The following KCNIP4 variants were observed in gnomAD, a reference collection of about 807,000 sequenced individuals.
KCNIP4 encodes potassium voltage-gated channel interacting protein 4, also known as Kv channel-interacting protein 4.
In KCNIP4, 12 loss-of-function variants were observed where a neutral mutation model predicts 34.0. The ratio of observed to expected loss-of-function variants is 0.35; its 90% CI spans 0.23 to 0.57. KCNIP4 has a LOEUF of 0.57. Among genes scored for constraint, KCNIP4 ranks in the 20% least tolerant of loss-of-function variants. The pLI is 0.83. For missense variants in KCNIP4, 238 were observed against 311.7 expected (o/e 0.76, Z 1.78); for synonymous variants, 124 against 102.2 (o/e 1.21, Z -1.29).
intron 1 of KCNIP4, among the ~76,000 whole-genome samples, chr4:21,647,015 T>C (rs763328028): frequency 2.0e-5 from 3 of 152,168 alleles, no homozygotes; most frequent in Admixed American, 1.3e-4. Flanking sequence ...AGTTTTTCAG[T>C]CTTTTGTAAT....
chr4:20,849,147 T>C (rs970134677), intron 3 of KCNIP4, among the ~76,000 whole-genome samples: 1 of 152,164 alleles, frequency 6.6e-6, no homozygotes, highest in Non-Finnish European at 1.5e-5. Context: ...ATATTACCTA[T>C]CAGATTCCTT....
chr4:21,204,262 G>A (rs1378933621), intron 1 of KCNIP4, among the ~76,000 whole-genome samples: 2 of 151,998 alleles, frequency 1.3e-5, no homozygotes, highest in African/African-American at 2.4e-5. Flanking sequence ...GATGACCTGG[G>A]TTCACTCCTA....
At chr4:21,228,417 G>T (rs1443865766) in intron 1 of KCNIP4, among the ~76,000 whole-genome samples, 2 of 152,134 alleles carry the variant, frequency 1.3e-5, no homozygotes, top group African/African-American at 4.8e-5. Flanking sequence ...AGAACTGTGA[G>T]TCAATGAAAC....
chr4:20,781,846 A>T (rs1351325975), intron 3 of KCNIP4, among the ~76,000 whole-genome samples: 2 of 152,168 alleles, frequency 1.3e-5, no homozygotes, highest in African/African-American at 4.8e-5. Flanking sequence ...CAAAGTTTTA[A>T]TTCATTTCAG....
chr4:21,098,571 C>T (rs1316707599), intron 1 of KCNIP4, among the ~76,000 whole-genome samples: 1 of 152,116 alleles, frequency 6.6e-6, no homozygotes, highest in Non-Finnish European at 1.5e-5. Flanking sequence ...AATAACAGTA[C>T]ATCTGTTTAC....
intron 1 of KCNIP4, among the ~76,000 whole-genome samples, chr4:21,939,799 T>C (rs1295950170): frequency 1.3e-5 from 2 of 152,216 alleles, no homozygotes; most frequent in African/African-American, 4.8e-5. Flanking sequence ...TTTAAAATTC[T>C]TGGAAAGGAT....
intron 1 of KCNIP4, among the ~76,000 whole-genome samples, chr4:21,873,826 G>C (rs535283821): frequency 3.3e-4 from 51 of 152,324 alleles, no homozygotes; most frequent in African/African-American, 1.2e-3. Context: ...CTGGGTGAAA[G>C]ATTCAGCAGG....
intron 1 of KCNIP4, among the ~76,000 whole-genome samples, chr4:20,886,875 T>TTTTTTTC (rs1725371157): frequency 6.6e-6 from 1 of 152,124 alleles, no homozygotes; most frequent in South Asian, 2.1e-4. Context: ...CAATGTATCC[T>TTTTTTTC]AATAACATCT....
chr4:20,951,974 T>C (rs953667509), intron 1 of KCNIP4, among the ~76,000 whole-genome samples: 1 of 152,206 alleles, frequency 6.6e-6, no homozygotes, highest in Non-Finnish European at 1.5e-5. Context: ...AATATACGCT[T>C]TGCTTACTGC....
intron 1 of KCNIP4, among the ~76,000 whole-genome samples, chr4:21,392,426 A>C (rs1275898818): frequency 1.3e-5 from 2 of 152,186 alleles, no homozygotes; most frequent in Non-Finnish European, 2.9e-5. Flanking sequence ...TTTAAATTGC[A>C]ATGAGTCAAT....
intron 1 of KCNIP4, among the ~76,000 whole-genome samples, chr4:21,638,446 A>C (rs934108262): frequency 2.6e-5 from 4 of 152,202 alleles, no homozygotes; most frequent in Non-Finnish European, 5.9e-5. Context: ...ATAAAACTGT[A>C]TAACCATGAA....
chr4:21,428,767 G>A (rs1726149404), intron 1 of KCNIP4, among the ~76,000 whole-genome samples: 1 of 152,142 alleles, frequency 6.6e-6, no homozygotes, highest in African/African-American at 2.4e-5. Flanking sequence ...GTACAATAAG[G>A]AGGACAGACT....
intron 1 of KCNIP4, among the ~76,000 whole-genome samples, chr4:21,422,794 G>A (rs1298728918): frequency 1.3e-5 from 2 of 151,932 alleles, no homozygotes; most frequent in African/African-American, 4.8e-5. Context: ...AGTGCCACAC[G>A]GACAGAAGTT....
chr4:21,631,970 C>A (rs182518711), intron 1 of KCNIP4, among the ~76,000 whole-genome samples: 1 of 152,220 alleles, frequency 6.6e-6, no homozygotes, highest in Non-Finnish European at 1.5e-5. Flanking sequence ...AACTTCCCAT[C>A]CATTAAGAAT....
At chr4:21,354,844 C>T (rs1320909559) in intron 1 of KCNIP4, among the ~76,000 whole-genome samples, 1 of 152,184 alleles carries the variant, frequency 6.6e-6, no homozygotes, top group Non-Finnish European at 1.5e-5. Flanking sequence ...ACAGAATATA[C>T]ATTCTTCTCA....
At chr4:21,267,421 T>C (rs1042645843) in intron 1 of KCNIP4, among the ~76,000 whole-genome samples, 33 of 152,064 alleles carry the variant, frequency 2.2e-4, no homozygotes, top group Admixed American at 1.3e-4. Flanking sequence ...ATCCCTGTCT[T>C]GTGCCAGTTT....
chr4:21,817,928 T>A (rs956468413), intron 1 of KCNIP4, among the ~76,000 whole-genome samples: 4 of 152,190 alleles, frequency 2.6e-5, no homozygotes, highest in African/African-American at 9.7e-5. Context: ...TATCAGTAGT[T>A]CTGCTTTTGC....
intron 3 of KCNIP4, among the ~76,000 whole-genome samples, chr4:20,765,641 C>A (rs1014066387): frequency 5.3e-5 from 8 of 152,196 alleles, no homozygotes; most frequent in African/African-American, 1.4e-4. Context: ...TGAACTGCTC[C>A]ATCCAGTATT....
At chr4:21,749,686 C>T (rs1717020105) in intron 1 of KCNIP4, among the ~76,000 whole-genome samples, 1 of 152,106 alleles carries the variant, frequency 6.6e-6, no homozygotes, top group Non-Finnish European at 1.5e-5. Flanking sequence ...CATCACTGCC[C>T]TCCACATGTG....
Sources: allele counts gnomAD v4.1 joint callset (sites outside exome capture counted in the v4.1 genomes callset), GRCh38; gene constraint gnomAD v4.1.1; transcripts MANE v1.5; gene names NCBI Gene and HGNC (gene_info 2026-07-23, HGNC 2026-07-21).